The following ZFYVE26 variants were observed in gnomAD, a reference collection of about 807,000 sequenced individuals.
ZFYVE26 encodes the protein zinc finger FYVE domain-containing protein 26.
In ZFYVE26, 181 loss-of-function variants were observed where a neutral mutation model predicts 276.5. The ratio of observed to expected loss-of-function variants is 0.65; its 90% CI spans 0.58 to 0.74. The LOEUF is 0.74. ZFYVE26 is among the 30% of genes least tolerant of loss of function. The probability of loss-of-function intolerance (pLI) is 0.00; values close to 1 mark genes in which losing one functional copy is unlikely to be tolerated. For synonymous variants in ZFYVE26, 1,129 were observed against 1,203.1 expected (o/e 0.94, Z 1.27); for missense variants, 2,821 against 3,097.9 (o/e 0.91, Z 2.12).
At chr14:67,786,513 T>C (rs1021596677) in intron 16 of ZFYVE26, among the ~76,000 whole-genome samples, 1 of 152,240 alleles carries the variant, frequency 6.6e-6, no homozygotes, top group Non-Finnish European at 1.5e-5. Flanking sequence ...CAAATAGATT[T>C]GCCTTGGTAC....
chr14:67,775,993 C>T lies in ZFYVE26; in HGVS notation c.5088G>A (p.Val1696=), dbSNP rs2140212439. The T allele has an allele frequency of 6.2e-7, 1 of 1,614,226 alleles. No homozygotes were observed. The highest frequency in any genetic ancestry group is 1.1e-5 in the South Asian group (1 of 91,084). ...LMNMKVDWAT[V]AVQTLQQLLV... is the part of the protein sequence containing the mutation. ...GCAGCTGCTGGAGAGTCTGCACAGC[C>T]ACAGTGGCCCAATCCACCTTCATGT... Residue 1696 remains valine (V), a synonymous_variant, in exon 26 of 42, where the codon GTG becomes GTA. Transcript: ENST00000347230.
In ZFYVE26 at chr14:67,769,790, A is replaced by G. The variant is rs147195429; in HGVS notation, c.5485-60T>C. 1.1e-4 allele frequency: 182 copies of G among 1,609,926 alleles called. No homozygotes were observed. In the African/African-American group the frequency reaches 1.8e-3, roughly 16 times the overall value. On this transcript the variant is annotated intron_variant, in intron 28 of 41. Transcript: ENST00000347230. ...AGGAGAGAAGGGGAGATTGCCATCAATCCATTTATACATGGTATTAACTAC... is the reference window on the plus strand; with the variant it reads ...AGGAGAGAAGGGGAGATTGCCATCAGTCCATTTATACATGGTATTAACTAC...
chr14:67,801,830 T>C (rs571750461), intron 10 of ZFYVE26, among the ~76,000 whole-genome samples: 2 of 152,204 alleles, frequency 1.3e-5, no homozygotes, highest in African/African-American at 2.4e-5. Context: ...CCGTGAAATA[T>C]AGTTTTTAAA....
chr14:67,736,321 C>T (rs573762667), intron 13 of ZFYVE26, among the ~76,000 whole-genome samples: 7 of 152,322 alleles, frequency 4.6e-5, no homozygotes, highest in Non-Finnish European at 7.3e-5. Flanking sequence ...GTCTCTTCTA[C>T]GGCTATCATA....
At chr14:67,754,376 A>C (rs767649402) in intron 37 of ZFYVE26, among the ~76,000 whole-genome samples, 164 bp from the exon 38 acceptor site, 2 of 152,222 alleles carry the variant, frequency 1.3e-5, no homozygotes, top group African/African-American at 2.4e-5. Context: ...CAAGACCAAA[A>C]AAATGGTGAT....
intron 16 of ZFYVE26, among the ~76,000 whole-genome samples, chr14:67,787,432 A>G (rs540337046): frequency 2.0e-5 from 3 of 152,232 alleles, no homozygotes; most frequent in Non-Finnish European, 4.4e-5. Context: ...GTGAATAATA[A>G]TTCAATTGCA....
intron 26 of ZFYVE26, among the ~76,000 whole-genome samples, 160 bp from the exon 27 acceptor site, chr14:67,775,274 C>T (rs2039312118): frequency 6.6e-6 from 1 of 152,332 alleles, no homozygotes; most frequent in Middle Eastern, 3.4e-3. Context: ...AAGCCCATAG[C>T]ACGCATGTTT....
Position 67,748,411 on chromosome 14 carries a change from G to A in ZFYVE26, c.*25C>T, listed in dbSNP as rs188698276. The A allele has an allele frequency of 2.7e-5, 43 of 1,609,600 alleles. No individual in the cohort carries two copies. The highest frequency in any genetic ancestry group is 2.3e-4 in the Admixed American group (14 of 59,980). The stretch of plus-strand genomic sequence containing the variant: ...TGCTGTTGCCCAGCTCTCAGGCCAC[G>A]TGTTCCTGGCCCCACTGCCCAAGGT... On this transcript the variant is annotated 3_prime_UTR_variant, in exon 42 of 42. Coordinates refer to ENST00000347230, the MANE Select transcript of ZFYVE26 (RefSeq NM_015346.4).
At chr14:67,742,148 A>G (rs115810829), downstream of ZFYVE26, among the ~76,000 whole-genome samples, 785 of 152,334 alleles carry the variant, frequency 5.2e-3, 8 homozygotes, top group African/African-American at 0.017. Context: ...AACCAGACAC[A>G]AAAGGACAAA....
chr14:67,805,602 A>C lies in ZFYVE26; in HGVS notation c.1034T>G (p.Leu345Trp). 6.2e-7 allele frequency: 1 copy of C among 1,614,062 alleles called. No individual in the cohort carries two copies. Among genetic ancestry groups the C allele is most frequent in the Non-Finnish European group, 8.5e-7 (1 of 1,180,020 alleles). ...ATTTGGGAAGTCTTCTTCTTTCAAC[A>C]ATGTTAGTGCTGTTACCTGTAAGTC... Reference protein sequence around the residue: ...LEQILVTALTLLKEEDFPNLG... With the variant: ...LEQILVTALTWLKEEDFPNLG... The change falls in exon 7 of 42, where the codon TTG (leucine) becomes TGG (tryptophan). Residue 345 changes from leucine (L) to tryptophan (W), a missense_variant. Coordinates refer to ENST00000347230, the MANE Select transcript of ZFYVE26 (RefSeq NM_015346.4).
Position 67,755,117 on chromosome 14 carries a change from G to A in ZFYVE26, c.6920C>T (p.Ser2307Phe), listed in dbSNP as rs769908270. ...DHLKIYLQET[S>F]RSSGRKKTTF... Reference sequence around the variant, plus strand: ...GGTTTTCTTCCTTCCAGAGCTGCGGGATGTTTCTTGGAGGTAGATCTTCAG... The same window carrying A: ...GGTTTTCTTCCTTCCAGAGCTGCGGAATGTTTCTTGGAGGTAGATCTTCAG... Residue 2307 changes from serine to phenylalanine, a missense_variant, in exon 37 of 42, where the codon TCC (serine) becomes TTC (phenylalanine). Physicochemically the swap from Ser to Phe is radical, Grantham distance 155 (BLOSUM62 -2). Coordinates refer to ENST00000347230, the MANE Select transcript of ZFYVE26 (RefSeq NM_015346.4). 1.9e-5 allele frequency: 31 copies of A among 1,614,132 alleles called. No homozygotes were observed. The highest frequency in any genetic ancestry group is 2.6e-5 in the Non-Finnish European group (31 of 1,180,036).
intron 28 of ZFYVE26, among the ~76,000 whole-genome samples, chr14:67,770,734 C>T (rs935808507): frequency 1.3e-5 from 2 of 152,080 alleles, no homozygotes; most frequent in African/African-American, 2.4e-5. Context: ...TCAATAAAGG[C>T]CAACTGTTGT....
chr14:67,816,238 TTAA>T (rs1027949244), intron 1 of ZFYVE26, among the ~76,000 whole-genome samples, 192 bp from the exon 2 acceptor site: 14 of 152,192 alleles, frequency 9.2e-5, no homozygotes, highest in African/African-American at 3.4e-4. Flanking sequence ...ATTCCTATAT[TTAA>T]TAATATTAAT....
At chr14:67,729,320 A>G in exon 14 of ZFYVE26, 11 of 1,600,224 alleles carry the variant, frequency 6.9e-6, no homozygotes, top group Non-Finnish European at 8.5e-6. Context: ...GAGGGGGCGC[A>G]GACCAGCCTG....
chr14:67,756,620 T>C (rs933986447), intron 35 of ZFYVE26, among the ~76,000 whole-genome samples: 5 of 152,034 alleles, frequency 3.3e-5, no homozygotes, highest in African/African-American at 9.7e-5. Flanking sequence ...TCCAGCACAC[T>C]ATCCTCTCCA....
In ZFYVE26 at chr14:67,782,967, G is replaced by T. The variant is rs779834942; in HGVS notation, c.4185C>A (p.Ala1395=). ...QSLAVNLCGW[A]SLSTVLLGLH... is the part of the protein sequence containing the mutation. ...GGCCCAGGAGAACGGTAGAAAGACT[G>T]GCCCAACCACAGAGATTCACTGCCA... The change falls in exon 21 of 42, where the codon GCC becomes GCA. Residue 1395 remains alanine, a synonymous_variant. Coordinates refer to ENST00000347230, the MANE Select transcript of ZFYVE26 (RefSeq NM_015346.4). 6.2e-7 allele frequency: 1 copy of T among 1,614,204 alleles called. No individual in the cohort carries two copies. Among genetic ancestry groups the T allele is most frequent in the Non-Finnish European group, 8.5e-7 (1 of 1,180,036 alleles).
At chr14:67,745,071 A>T (rs533132637), downstream of ZFYVE26, among the ~76,000 whole-genome samples, 3 of 152,320 alleles carry the variant, frequency 2.0e-5, no homozygotes, top group Non-Finnish European at 2.9e-5. Flanking sequence ...CCTCGCCAGC[A>T]TCTGTTGTTT....
intron 14 of ZFYVE26, among the ~76,000 whole-genome samples, chr14:67,791,715 G>GT (rs2039818635): frequency 6.6e-6 from 1 of 151,764 alleles, no homozygotes; most frequent in African/African-American, 2.4e-5. Context: ...ACATTTAGGG[G>GT]TAAAATATCA....
Position 67,762,860 on chromosome 14 carries a change from G to A in ZFYVE26, c.6012-41C>T, listed in dbSNP as rs1015913190. On this transcript the variant is annotated intron_variant, in intron 32 of 41. Coordinates refer to ENST00000347230, the MANE Select transcript of ZFYVE26 (RefSeq NM_015346.4). The stretch of plus-strand genomic sequence containing the variant: ...GGGCAAGGCCATGAGGCTCCCTAGT[G>A]TCTTACTAAGAGTAGCCGCTTAAAG... 1.9e-6 allele frequency: 3 copies of A among 1,611,154 alleles called. No homozygotes were observed. The African/African-American group carries it at 4.0e-5, about 22-fold the overall frequency.
Sources: gnomAD v4.1 joint callset for allele counts (sites outside exome capture counted in the v4.1 genomes callset) on GRCh38, gnomAD v4.1.1 for gene constraint, MANE v1.5 for transcripts, NCBI Gene and HGNC (gene_info 2026-07-23, HGNC 2026-07-21) for gene names.